Variants in GRIN2B observed in about 807,000 individuals in gnomAD.
The protein encoded by GRIN2B is glutamate ionotropic receptor NMDA type subunit 2B.
Under a neutral mutation model 114.5 loss-of-function variants are expected in GRIN2B, and 5 were observed. The observed-to-expected ratio is 0.04, with a 90% CI of 0.02 to 0.09. GRIN2B has a LOEUF of 0.09. Among genes scored for constraint, GRIN2B ranks in the 10% least tolerant of loss-of-function variants. GRIN2B has a pLI of 1.00. For synonymous variants in GRIN2B, 787 were observed against 745.1 expected (o/e 1.06, Z -0.92); for missense variants, 1,108 against 1,943.5 (o/e 0.57, Z 8.08).
At chr12:13,651,952 T>A (rs1949817581) in intron 5 of GRIN2B, among the ~76,000 whole-genome samples, 1 of 152,124 alleles carries the variant, frequency 6.6e-6, no homozygotes, top group Admixed American at 6.6e-5. Context: ...GATCTGTTCA[T>A]CCATTTAACA....
chr12:13,607,317 TAAA>T (rs1355796421), intron 10 of GRIN2B, among the ~76,000 whole-genome samples: 3 of 66,158 alleles, frequency 4.5e-5, no homozygotes, highest in Admixed American at 2.9e-4. Context: ...ATATATAATA[TAAA>T]ATATATAATA....
intron 5 of GRIN2B, among the ~76,000 whole-genome samples, chr12:13,675,043 T>A (rs1347129523): frequency 6.6e-6 from 1 of 152,172 alleles, no homozygotes; most frequent in Non-Finnish European, 1.5e-5. Context: ...GAATCTGGAA[T>A]AATAAAAAAT....
chr12:13,794,396 T>C (rs1864379638), intron 3 of GRIN2B, among the ~76,000 whole-genome samples: 1 of 152,142 alleles, frequency 6.6e-6, no homozygotes, highest in Admixed American at 6.5e-5. Context: ...TTCAATGCAT[T>C]TGCAAAGGCA....
intron 4 of GRIN2B, among the ~76,000 whole-genome samples, chr12:13,696,670 T>A (rs759926983): frequency 4.6e-5 from 7 of 152,180 alleles, no homozygotes; most frequent in Non-Finnish European, 8.8e-5. Context: ...TTGGGCTCCC[T>A]CTCATTACGG....
At chr12:13,803,609 T>A (rs1864553059) in intron 3 of GRIN2B, among the ~76,000 whole-genome samples, 1 of 152,116 alleles carries the variant, frequency 6.6e-6, no homozygotes, top group Admixed American at 6.6e-5. Context: ...TCCATATAAA[T>A]CAAACCAAAA....
intron 4 of GRIN2B, among the ~76,000 whole-genome samples, chr12:13,733,993 T>A (rs1244729248): frequency 1.3e-5 from 2 of 152,186 alleles, no homozygotes; most frequent in African/African-American, 2.4e-5. Context: ...GCTCTCTTGC[T>A]TCTTGCCACT....
At chr12:13,837,536 C>T (rs2136710678) in intron 3 of GRIN2B, among the ~76,000 whole-genome samples, 1 of 152,324 alleles carries the variant, frequency 6.6e-6, no homozygotes, top group East Asian at 1.9e-4. Flanking sequence ...GCATTTCCTT[C>T]TATGTTAACC....
chr12:13,967,129 C>T (rs1591645591), intron 2 of GRIN2B, among the ~76,000 whole-genome samples: 1 of 152,210 alleles, frequency 6.6e-6, no homozygotes, highest in Non-Finnish European at 1.5e-5. Flanking sequence ...ACATTAATTA[C>T]ACTCCTGTGC....
intron 3 of GRIN2B, among the ~76,000 whole-genome samples, chr12:13,792,567 C>T (rs1864339155): frequency 6.6e-6 from 1 of 152,210 alleles, no homozygotes; most frequent in Non-Finnish European, 1.5e-5. Flanking sequence ...TACTTCACCC[C>T]AGACCCTGTT....
chr12:13,721,387 G>T (rs1950507363), intron 4 of GRIN2B, among the ~76,000 whole-genome samples: 1 of 152,000 alleles, frequency 6.6e-6, no homozygotes. Context: ...TGTGTGGGGA[G>T]GGCAACTGGG....
rs766118105 is a variant in GRIN2B, at chr12:13,569,781, C to T, written c.2359+49G>A. 2.6e-6 allele frequency: 3 copies of T among 1,148,164 alleles called. No individual in the cohort carries two copies. The East Asian group carries it at 7.1e-5, about 27-fold the overall frequency. 71.1% of individuals were successfully genotyped at this position (1,148,164 alleles called of 1,614,324 possible). ...GAAAAGGAAAGGTTGATGTTTTGGA[C>T]TGGCCATCAGTAGAGGACAAATGGG... On this transcript the variant is annotated intron_variant, in intron 12 of 13. Coordinates refer to ENST00000609686, the MANE Select transcript of GRIN2B (RefSeq NM_000834.5).
At chr12:13,629,871 C>T (rs544079393) in intron 5 of GRIN2B, among the ~76,000 whole-genome samples, 18 of 152,274 alleles carry the variant, frequency 1.2e-4, no homozygotes, top group African/African-American at 3.4e-4. Flanking sequence ...CCTTAGGATT[C>T]GGCTCAGTAG....
intron 13 of GRIN2B, among the ~76,000 whole-genome samples, chr12:13,565,518 CA>C (rs1260281393): frequency 2.0e-5 from 3 of 152,160 alleles, no homozygotes; most frequent in Non-Finnish European, 4.4e-5. Context: ...CTTTGAAGGA[CA>C]CCGTGCAGGA....
intron 10 of GRIN2B, among the ~76,000 whole-genome samples, chr12:13,595,426 C>T (rs1009411862): frequency 1.3e-5 from 2 of 152,176 alleles, no homozygotes; most frequent in African/African-American, 4.8e-5. Context: ...TTATGGTTGT[C>T]AGACCACAGG....
intron 2 of GRIN2B, among the ~76,000 whole-genome samples, chr12:13,883,186 T>C (rs1245474256): frequency 6.6e-6 from 1 of 152,232 alleles, no homozygotes; most frequent in Non-Finnish European, 1.5e-5. Context: ...GTTACCACTT[T>C]TGGTGATCAT....
intron 12 of GRIN2B, among the ~76,000 whole-genome samples, chr12:13,569,383 AGG>A (rs1948679047): frequency 6.6e-6 from 1 of 152,202 alleles, no homozygotes; most frequent in Non-Finnish European, 1.5e-5. Context: ...CTTAAGAAAA[AGG>A]GAAATTCAGA....
intron 10 of GRIN2B, among the ~76,000 whole-genome samples, chr12:13,588,725 C>T (rs916910388): frequency 1.3e-5 from 2 of 152,150 alleles, no homozygotes; most frequent in Admixed American, 6.5e-5. Context: ...AATAAAGAGC[C>T]TGTCACTGGA....
intron 3 of GRIN2B, among the ~76,000 whole-genome samples, chr12:13,849,983 G>T (rs1191445839): frequency 1.3e-5 from 2 of 152,180 alleles, no homozygotes; most frequent in African/African-American, 4.8e-5. Flanking sequence ...AGATAAGCAA[G>T]CCTCTGATTA....
intron 4 of GRIN2B, among the ~76,000 whole-genome samples, chr12:13,723,819 A>T (rs1459294661): frequency 6.6e-6 from 1 of 152,196 alleles, no homozygotes; most frequent in Non-Finnish European, 1.5e-5. Context: ...TCTTAAAAAA[A>T]TAAACTGGAA....
Sources: allele counts gnomAD v4.1 joint callset (sites outside exome capture counted in the v4.1 genomes callset), GRCh38; gene constraint gnomAD v4.1.1; transcripts MANE v1.5; gene names NCBI Gene and HGNC (gene_info 2026-07-23, HGNC 2026-07-21).